FAM83F: variants seen among roughly 807,000 people sequenced by gnomAD.
FAM83F encodes scaffolding CK1 anchoring protein F.
FAM83F carries 45 observed loss-of-function variants against 42.9 expected under a neutral mutation model. The observed-to-expected ratio is 1.05, with a 90% CI of 0.83 to 1.35. The LOEUF (loss-of-function observed/expected upper bound fraction) is 1.35, where lower values mean the gene tolerates loss of function less well. FAM83F is among the 40% of genes most tolerant of loss of function. The probability of loss-of-function intolerance (pLI) is 0.00; values close to 1 mark genes in which losing one functional copy is unlikely to be tolerated. For missense variants in FAM83F, 617 were observed against 695.9 expected (o/e 0.89, Z 1.28); for synonymous variants, 306 against 298.3 (o/e 1.03, Z -0.27).
At position 40,032,917 on chromosome 22, in the gene FAM83F, A is replaced by G. The variant is rs1852068064; in HGVS notation, c.*3352A>G. 1 of 151,852 alleles carries G rather than the reference A, an allele frequency of 6.6e-6. No individual in the cohort carries two copies. Among genetic ancestry groups the G allele is most frequent in the South Asian group, 2.1e-4 (1 of 4,802 alleles). 9.4% of individuals were successfully genotyped at this position (151,852 alleles called of 1,614,324 possible). A position where few individuals can be genotyped will look rare whatever the true frequency, so the allele number is the denominator to read the frequency against. On this transcript the variant is annotated 3_prime_UTR_variant, in exon 5 of 5. Transcript: ENST00000333407. ...CTACTGTATTGCTTTTCTCTTTTTC[A>G]TATTTATTGAGCACCTACTATATGC...
chr22:40,006,021 T>G (rs916691465), intron 1 of FAM83F, among the ~76,000 whole-genome samples: 1 of 152,048 alleles, frequency 6.6e-6, no homozygotes, highest in Non-Finnish European at 1.5e-5. Flanking sequence ...GGGCAGATCA[T>G]TTGAGGTCAG....
chr22:40,016,654 A>ATTATT lies in FAM83F; in HGVS notation c.490-2490_490-2486dup, dbSNP rs559006074. On this transcript the variant is annotated intron_variant, in intron 1 of 4. Coordinates refer to ENST00000333407, the MANE Select transcript of FAM83F (RefSeq NM_138435.4). ...ATGACTGCTATTTTATTTTAATTTT[A>ATTATT]TTATTTTATTTTATTTTATTTTATT... Among the ~76,000 whole-genome samples the ATTATT allele has an allele frequency of 1.3e-3, 199 of 151,804 alleles. 1 individual carries two copies. Among genetic ancestry groups the ATTATT allele is most frequent in the African/African-American group, 1.8e-3 (74 of 41,414 alleles).
chr22:40,042,317 T>C lies in FAM83F; in HGVS notation c.*12752T>C, dbSNP rs2067655028. On this transcript the variant is annotated 3_prime_UTR_variant, in exon 5 of 5. Transcript: ENST00000333407. ...AGTGGACAAATTGCTGAGGCCTTTATGGACAAAGATTCTAAGAAGAACAGG... is the reference window on the plus strand; with the variant it reads ...AGTGGACAAATTGCTGAGGCCTTTACGGACAAAGATTCTAAGAAGAACAGG... 2 of 152,246 alleles carry C rather than the reference T, an allele frequency of 1.3e-5. No individual in the cohort carries two copies. The highest frequency in any genetic ancestry group is 1.3e-4 in the Admixed American group (2 of 15,292). The allele number at this position is 152,246 out of a possible 1,614,324, so 9.4% of individuals were successfully genotyped here. A position where few individuals can be genotyped will look rare whatever the true frequency, so the allele number is the denominator to read the frequency against.
chr22:40,004,722 G>A (rs924716717), intron 1 of FAM83F, among the ~76,000 whole-genome samples: 12 of 152,234 alleles, frequency 7.9e-5, no homozygotes, highest in African/African-American at 2.9e-4. Flanking sequence ...ACAGGCGTGA[G>A]CCACCGCGCC....
In FAM83F at chr22:39,995,360, C is replaced by T. The variant is rs751830504; in HGVS notation, c.318C>T (p.Ala106=). 1.3e-6 allele frequency: 2 copies of T among 1,543,982 alleles called. No individual in the cohort carries two copies. Among genetic ancestry groups the T allele is most frequent in the Admixed American group, 3.9e-5 (2 of 50,998 alleles). ...PAPAESGESL[A]YWPDRSDTEV... is the part of the protein sequence containing the mutation. Reference sequence around the variant, plus strand: ...CGGCTGAGTCCGGCGAGTCCCTGGCCTACTGGCCCGACCGTTCCGACACCG... The same window carrying T: ...CGGCTGAGTCCGGCGAGTCCCTGGCTTACTGGCCCGACCGTTCCGACACCG... The change falls in exon 1 of 5, where the codon GCC becomes GCT. Residue 106 remains alanine, a synonymous_variant. Transcript: ENST00000333407. This position sits in a 1 kb window ranked among gnomAD's most constrained non-coding sequence, Gnocchi z 4.6.
chr22:40,027,534 A>T (rs2067560964), intron 4 of FAM83F, among the ~76,000 whole-genome samples: 1 of 152,098 alleles, frequency 6.6e-6, no homozygotes, highest in African/African-American at 2.4e-5. Flanking sequence ...TGTAAAAAAG[A>T]CTATTCTGGT....
chr22:40,003,899 TTTTA>T (rs1238104478), intron 1 of FAM83F, among the ~76,000 whole-genome samples: 4 of 152,000 alleles, frequency 2.6e-5, no homozygotes, highest in Admixed American at 1.3e-4. Flanking sequence ...ATAAGTGTTA[TTTTA>T]TTTATTTATT....
chr22:39,995,658 C>G lies in FAM83F; in HGVS notation c.489+127C>G. On this transcript the variant is annotated intron_variant, in intron 1 of 4. Coordinates refer to ENST00000333407, the MANE Select transcript of FAM83F (RefSeq NM_138435.4). This position sits in a 1 kb window ranked among gnomAD's most constrained non-coding sequence, Gnocchi z 4.6. ...ACCCTCTGGAAAATGGGCCCCAACC[C>G]GCCCCTACTTCCTGGGGCTGCAGTG... 1 of 1,394,984 alleles carries G rather than the reference C, an allele frequency of 7.2e-7. No individual in the cohort carries two copies. The highest frequency in any genetic ancestry group is 1.4e-5 in the African/African-American group (1 of 69,024). The allele number at this position is 1,394,984 out of a possible 1,614,324, so 86.4% of individuals were successfully genotyped here.
At chr22:40,022,123 C>G (rs561446008) in intron 4 of FAM83F, among the ~76,000 whole-genome samples, 160 bp downstream of exon 4, 2 of 152,330 alleles carry the variant, frequency 1.3e-5, no homozygotes, top group East Asian at 3.9e-4. Flanking sequence ...TCCTTGGTTC[C>G]CATTCTGGCC....
intron 1 of FAM83F, among the ~76,000 whole-genome samples, chr22:39,997,185 C>CTACACT (rs932431628): frequency 1.4e-4 from 22 of 152,212 alleles, no homozygotes. Flanking sequence ...AACCACTGTG[C>CTACACT]TACACTGCCC....
Position 40,021,724 on chromosome 22 carries a change from C to T in FAM83F, c.1214C>T (p.Ser405Phe). 2 of 1,613,084 alleles carry T rather than the reference C, an allele frequency of 1.2e-6. No homozygotes were observed. The highest frequency in any genetic ancestry group is 1.1e-5 in the South Asian group (1 of 91,084). The change falls in exon 4 of 5, where the codon TCT (serine) becomes TTT (phenylalanine). Residue 405 changes from serine to phenylalanine, a missense_variant. Transcript: ENST00000333407. This position sits in a 1 kb window ranked among gnomAD's most constrained non-coding sequence, Gnocchi z 8.7. ...AGCCAGAAGGATGGCAGGATGGTCT[C>T]TCACATGCACAGAGACCTGAAGCCC... ...ELSQKDGRMV[S>F]HMHRDLKPKS...
intron 4 of FAM83F, among the ~76,000 whole-genome samples, chr22:40,028,594 C>G (rs115385842): frequency 6.6e-6 from 1 of 152,162 alleles, no homozygotes; most frequent in Non-Finnish European, 1.5e-5. Flanking sequence ...GCACTCCCTC[C>G]GGAGGTCCGA....
intron 1 of FAM83F, among the ~76,000 whole-genome samples, chr22:40,007,994 A>T (rs1005369891): frequency 6.6e-6 from 1 of 152,164 alleles, no homozygotes; most frequent in African/African-American, 2.4e-5. Context: ...GCCTTGAGAT[A>T]CTTTACTCTG....
chr22:40,020,833 G>T (rs2067515798), intron 3 of FAM83F, among the ~76,000 whole-genome samples: 1 of 152,102 alleles, frequency 6.6e-6, no homozygotes, highest in Non-Finnish European at 1.5e-5. Context: ...CAGACACTAA[G>T]TGCTTAAAAA....
chr22:40,038,385 T>C lies in FAM83F; in HGVS notation c.*8820T>C, dbSNP rs1441556171. The C allele has an allele frequency of 6.6e-6, 1 of 152,208 alleles. No homozygotes were observed. Among genetic ancestry groups the C allele is most frequent in the East Asian group, 1.9e-4 (1 of 5,202 alleles). The allele number at this position is 152,208 out of a possible 1,614,324, so 9.4% of individuals were successfully genotyped here. ...AGGAGAATTATGAGAATCACAATTATCGAGGACACAGTGAAGACTCAGATA... is the reference window on the plus strand; with the variant it reads ...AGGAGAATTATGAGAATCACAATTACCGAGGACACAGTGAAGACTCAGATA... On this transcript the variant is annotated 3_prime_UTR_variant, in exon 5 of 5. Coordinates refer to ENST00000333407, the MANE Select transcript of FAM83F (RefSeq NM_138435.4).
At position 40,031,462 on chromosome 22, in the gene FAM83F, A is replaced by G. The variant is rs1286725974; in HGVS notation, c.*1897A>G. The G allele has an allele frequency of 6.6e-6, 1 of 152,186 alleles. No homozygotes were observed. Among genetic ancestry groups the G allele is most frequent in the African/African-American group, 2.4e-5 (1 of 41,400 alleles). 9.4% of individuals were successfully genotyped at this position (152,186 alleles called of 1,614,324 possible). A position where few individuals can be genotyped will look rare whatever the true frequency, so the allele number is the denominator to read the frequency against. Reference sequence around the variant, plus strand: ...GCATCTGTGCCTCCCCTGCCAGAAGAGCAGGCCCTGCTTTGTCCCTTTACC... The same window carrying G: ...GCATCTGTGCCTCCCCTGCCAGAAGGGCAGGCCCTGCTTTGTCCCTTTACC... On this transcript the variant is annotated 3_prime_UTR_variant, in exon 5 of 5. Coordinates refer to ENST00000333407, the MANE Select transcript of FAM83F (RefSeq NM_138435.4).
intron 1 of FAM83F, among the ~76,000 whole-genome samples, chr22:40,003,948 G>A (rs1011776182): frequency 1.3e-5 from 2 of 152,014 alleles, no homozygotes; most frequent in African/African-American, 4.8e-5. Context: ...ATGGGGGTGC[G>A]GAGGTGGGAC....
chr22:40,026,492 C>A (rs931299754), intron 4 of FAM83F, among the ~76,000 whole-genome samples: 16 of 152,092 alleles, frequency 1.1e-4, no homozygotes, highest in Non-Finnish European at 8.8e-5. Context: ...TGCACTCCAG[C>A]CTGGGTGACA....
intron 1 of FAM83F, among the ~76,000 whole-genome samples, chr22:40,018,654 G>A (rs188066412): frequency 2.7e-5 from 4 of 148,900 alleles, no homozygotes; most frequent in East Asian, 2.0e-4. Context: ...GTGCAACGGC[G>A]CAATCTTGGC....
Sources: allele counts gnomAD v4.1 joint callset (sites outside exome capture counted in the v4.1 genomes callset), GRCh38; gene constraint gnomAD v4.1.1; non-coding constraint Gnocchi (gnomAD v3.1); transcripts MANE v1.5; gene names NCBI Gene and HGNC (gene_info 2026-07-23, HGNC 2026-07-21).